Variants in MARCHF5 observed in about 807,000 individuals in gnomAD.
The protein encoded by MARCHF5 is E3 ubiquitin-protein ligase MARCHF5.
MARCHF5 carries 5 observed loss-of-function variants against 36.5 expected under a neutral mutation model. The ratio of observed to expected loss-of-function variants is 0.14; its 90% CI spans 0.07 to 0.29. The LOEUF (loss-of-function observed/expected upper bound fraction) is 0.29. Among genes scored for constraint, MARCHF5 ranks in the 10% least tolerant of loss-of-function variants. MARCHF5 has a pLI of 1.00. For missense variants in MARCHF5, 179 were observed against 336.3 expected, an observed-to-expected ratio of 0.53 and a Z score of 3.66; for synonymous variants, 103 against 109.9, an observed-to-expected ratio of 0.94 and a Z score of 0.39.
rs1243247165 is a variant in MARCHF5, at chr10:92,353,477, G to A, written c.*2270G>A. 6.6e-6 allele frequency: 1 copy of A among 152,186 alleles called. No homozygotes were observed. 9.4% of individuals were successfully genotyped at this position (152,186 alleles called of 1,614,324 possible). A position where few individuals can be genotyped will look rare whatever the true frequency, so the allele number is the denominator to read the frequency against. On this transcript the variant is annotated 3_prime_UTR_variant, in exon 6 of 6. Transcript: ENST00000358935. Reference sequence around the variant, plus strand: ...AGACTATTTCTAGGATTAACTGAGAGATTAAAGGAACAGCAGCACTTAGGC... The same window carrying A: ...AGACTATTTCTAGGATTAACTGAGAAATTAAAGGAACAGCAGCACTTAGGC...
intron 1 of MARCHF5, among the ~76,000 whole-genome samples, chr10:92,295,062 AATT>A (rs1842931569): frequency 6.6e-6 from 1 of 152,154 alleles, no homozygotes; most frequent in Admixed American, 6.5e-5. Context: ...TCAGTAAATC[AATT>A]ATTAAACATT....
At chr10:92,291,628 C>T (rs1353476243) in intron 1 of MARCHF5, 99 bp downstream of exon 1, 8 of 1,420,304 alleles carry the variant, frequency 5.6e-6, no homozygotes, top group Non-Finnish European at 7.3e-6. Context: ...CCCGGCGTGC[C>T]GGGAGGAGTT....
intron 1 of MARCHF5, among the ~76,000 whole-genome samples, chr10:92,294,081 G>A (rs1590641180): frequency 6.6e-6 from 1 of 152,146 alleles, no homozygotes; most frequent in East Asian, 1.9e-4. Context: ...GTAGGGTAGA[G>A]CCTGGGCATC....
chr10:92,333,614 A>G, intron 2 of MARCHF5: 1 of 982,040 alleles, frequency 1.0e-6, no homozygotes, highest in Non-Finnish European at 1.2e-6. Context: ...AACATTATGC[A>G]CAAGCAAAGG....
chr10:92,301,237 A>G (rs1032898129), intron 1 of MARCHF5, among the ~76,000 whole-genome samples: 1 of 152,196 alleles, frequency 6.6e-6, no homozygotes, highest in Non-Finnish European at 1.5e-5. Flanking sequence ...CAATATTTAT[A>G]TGGCCCATTG....
chr10:92,340,708 C>G lies in MARCHF5; in HGVS notation c.274C>G (p.Leu92Val). Residue 92 changes from leucine to valine, a missense_variant, in exon 3 of 6, where the codon CTG becomes GTG. Around this residue, in one of 3 missense-constraint regions of MARCHF5, gnomAD observed 66 missense variants for 180.5 expected, o/e 0.37. Transcript: ENST00000358935. ...VVYVLDLADR[L>V]ISKACPFAAA... is the part of the protein sequence containing the mutation. ...TTACGTCTTGGATCTTGCAGATAGACTGATCTCAAAAGCCTGTCCATTTGC... is the reference window on the plus strand; with the variant it reads ...TTACGTCTTGGATCTTGCAGATAGAGTGATCTCAAAAGCCTGTCCATTTGC... 6.2e-7 allele frequency: 1 copy of G among 1,613,678 alleles called. No individual in the cohort carries two copies. The highest frequency in any genetic ancestry group is 8.5e-7 in the Non-Finnish European group (1 of 1,179,810).
intron 3 of MARCHF5, among the ~76,000 whole-genome samples, chr10:92,344,602 C>T (rs1159165103): frequency 6.6e-6 from 1 of 152,012 alleles, no homozygotes; most frequent in African/African-American, 2.4e-5. Flanking sequence ...AGAGAATGTG[C>T]CCCTCTACAC....
At chr10:92,304,632 A>G (rs1413856265) in intron 1 of MARCHF5, among the ~76,000 whole-genome samples, 1 of 152,374 alleles carries the variant, frequency 6.6e-6, no homozygotes, top group East Asian at 1.9e-4. Context: ...CTACAGCTGT[A>G]AAGTAATATG....
At chr10:92,341,897 T>G (rs1209216255) in intron 3 of MARCHF5, among the ~76,000 whole-genome samples, 1 of 150,968 alleles carries the variant, frequency 6.6e-6, no homozygotes, top group African/African-American at 2.4e-5. Context: ...CTCAGTCATC[T>G]GTCCACCTTA....
At chr10:92,295,208 G>A (rs1051709781) in intron 1 of MARCHF5, among the ~76,000 whole-genome samples, 4 of 150,648 alleles carry the variant, frequency 2.7e-5, no homozygotes, top group Non-Finnish European at 5.9e-5. Context: ...AGGGGTGTTT[G>A]TGTTGTCTAA....
chr10:92,348,961 A>T (rs1179787472), intron 3 of MARCHF5, among the ~76,000 whole-genome samples: 2 of 152,244 alleles, frequency 1.3e-5, no homozygotes, highest in South Asian at 2.1e-4. Flanking sequence ...CCTAGAAGGA[A>T]GATCAGGAAA....
Position 92,291,204 on chromosome 10 carries a change from G to T in MARCHF5, c.-291G>T, listed in dbSNP as rs1422582948. 4 of 512,878 alleles carry T rather than the reference G, an allele frequency of 7.8e-6. No individual in the cohort carries two copies. Among genetic ancestry groups the T allele is most frequent in the African/African-American group, 2.1e-5 (1 of 48,484 alleles). 31.8% of individuals were successfully genotyped at this position (512,878 alleles called of 1,614,324 possible). On this transcript the variant is annotated 5_prime_UTR_variant, in exon 1 of 6. Coordinates refer to ENST00000358935, the MANE Select transcript of MARCHF5 (RefSeq NM_017824.5). ...TAGCTCCTCCGCCGGCAGCAACTCG[G>T]CGCCCGCGGTCCATGGACCGGAACC... is the stretch of plus-strand genomic sequence containing the variant.
chr10:92,319,975 CTT>C (rs1352398121), intron 2 of MARCHF5, among the ~76,000 whole-genome samples: 7 of 110,168 alleles, frequency 6.4e-5, no homozygotes, highest in Non-Finnish European at 7.8e-5. Flanking sequence ...AATTTCTTTT[CTT>C]TTTTTTTTTT....
In MARCHF5 at chr10:92,353,354, CTT is replaced by C. The variant is rs1348228143; in HGVS notation, c.*2149_*2150del. On this transcript the variant is annotated 3_prime_UTR_variant, in exon 6 of 6. Transcript: ENST00000358935. ...GACCTGGGTTCAAATCATAGTTCAG[CTT>C]TCAATAACTGTATGTATGATTTTGG... 6.6e-6 allele frequency: 1 copy of C among 152,152 alleles called. No individual in the cohort carries two copies. Among genetic ancestry groups the C allele is most frequent in the East Asian group, 1.9e-4 (1 of 5,196 alleles). 9.4% of individuals were successfully genotyped at this position (152,152 alleles called of 1,614,324 possible).
At chr10:92,349,270 CTATTAAAAAAATAGAGCTTAA>C (rs1843690653) in intron 3 of MARCHF5, 58 bp from the exon 4 acceptor site, 1 of 1,071,338 alleles carries the variant, frequency 9.3e-7, no homozygotes, top group Non-Finnish European at 1.3e-6. Context: ...TAAGCATTTT[CTATTAAAAAAATAGAGCTTAA>C]CATGCAACAC....
chr10:92,300,891 CT>C lies in MARCHF5; in HGVS notation c.35+9380del, dbSNP rs370507190. On this transcript the variant is annotated intron_variant, in intron 1 of 5. Transcript: ENST00000358935. ...AGTTCATCTTCAGTGCCTCCTAATT[CT>C]TTTTTTTTTTTTTTTTTGAGGCAGA... Among the ~76,000 whole-genome samples, 168 of 127,722 alleles carry C rather than the reference CT, an allele frequency of 1.3e-3. 1 individual carries two copies. Among genetic ancestry groups the C allele is most frequent in the East Asian group, 4.9e-3 (22 of 4,448 alleles). The allele number at this position is 127,722 out of a possible 152,430, so 83.8% of individuals were successfully genotyped here.
chr10:92,331,799 A>G (rs2135205818), intron 2 of MARCHF5, among the ~76,000 whole-genome samples: 1 of 150,162 alleles, frequency 6.7e-6, no homozygotes, highest in South Asian at 2.1e-4. Flanking sequence ...AATGCAATAT[A>G]TGAATTTATA....
intron 2 of MARCHF5, among the ~76,000 whole-genome samples, chr10:92,337,451 G>A (rs574007167): frequency 2.1e-4 from 32 of 152,132 alleles, no homozygotes; most frequent in South Asian, 6.2e-4. Flanking sequence ...GAGGCAAGAG[G>A]TTGCAGCAGT....
rs534689252 is a variant in MARCHF5, at chr10:92,296,130, T to C, written c.35+4601T>C. ...CCTCAGGTGATCCACCTACCTCTGC[T>C]TCCCAAAGTGCTGGGATTACAGGGG... is the stretch of plus-strand genomic sequence containing the variant. On this transcript the variant is annotated intron_variant, in intron 1 of 5. Coordinates refer to ENST00000358935, the MANE Select transcript of MARCHF5 (RefSeq NM_017824.5). Among the ~76,000 whole-genome samples the C allele has an allele frequency of 2.6e-5, 4 of 151,814 alleles. No homozygotes were observed. In the East Asian group the frequency reaches 7.9e-4, roughly 30 times the overall value.
Sources: allele counts gnomAD v4.1 joint callset (sites outside exome capture counted in the v4.1 genomes callset), GRCh38; gene constraint gnomAD v4.1.1; regional missense constraint gnomAD v4.1.1; transcripts MANE v1.5; gene names NCBI Gene and HGNC (gene_info 2026-07-23, HGNC 2026-07-21).